The following PCDHGB2 variants were observed in gnomAD, a reference collection of about 807,000 sequenced individuals.
PCDHGB2 encodes the protein protocadherin gamma-B2.
PCDHGB2 carries 55 observed loss-of-function variants against 59.3 expected under a neutral mutation model. The observed-to-expected ratio is 0.93, with a 90% confidence interval of 0.75 to 1.16. The LOEUF (loss-of-function observed/expected upper bound fraction) is 1.16, where lower values mean the gene tolerates loss of function less well. PCDHGB2 is among the 50% of genes most tolerant of loss of function. The pLI, the probability that PCDHGB2 is intolerant of heterozygous loss-of-function variation, is 0.00. For synonymous variants in PCDHGB2, 516 were observed against 512.0 expected, an observed-to-expected ratio of 1.01 and a Z score of -0.11; for missense variants, 1,228 against 1,198.5, an observed-to-expected ratio of 1.02 and a Z score of -0.36.
intron 2 of PCDHGB2, among the ~76,000 whole-genome samples, chr5:141,500,508 C>T (rs2099801020): frequency 6.6e-6 from 1 of 152,078 alleles, no homozygotes; most frequent in African/African-American, 2.4e-5. Context: ...CGCGCCTGGC[C>T]GAGCTTCATT....
chr5:141,390,034 C>A, intron 1 of PCDHGB2: 2 of 1,614,066 alleles, frequency 1.2e-6, no homozygotes, highest in Non-Finnish European at 1.7e-6. Context: ...CGACGCTCCT[C>A]CAGCCCCGCC....
chr5:141,467,602 A>G (rs981250164), intron 1 of PCDHGB2, among the ~76,000 whole-genome samples: 3 of 152,216 alleles, frequency 2.0e-5, no homozygotes, highest in Non-Finnish European at 4.4e-5. Flanking sequence ...TAAGCACTTC[A>G]TCTTTGTCCC....
intron 1 of PCDHGB2, chr5:141,393,241 A>C (rs377394191): frequency 1.8e-4 from 292 of 1,613,684 alleles, no homozygotes; most frequent in Non-Finnish European, 2.3e-4. Context: ...GTAAAAATTA[A>C]CGAAATCGCG....
chr5:141,458,609 A>T (rs1037852455), intron 1 of PCDHGB2, among the ~76,000 whole-genome samples: 1 of 152,004 alleles, frequency 6.6e-6, no homozygotes, highest in Non-Finnish European at 1.5e-5. Flanking sequence ...TCACTCTGTC[A>T]GCCAGGCTGG....
At chr5:141,404,877 T>C in intron 1 of PCDHGB2, 1 of 1,613,856 alleles carries the variant, frequency 6.2e-7, no homozygotes, top group East Asian at 2.2e-5. Flanking sequence ...AAACAGAGCC[T>C]TGTGGTGGCT....
intron 1 of PCDHGB2, among the ~76,000 whole-genome samples, chr5:141,460,963 G>A (rs760674165): frequency 3.0e-4 from 27 of 89,804 alleles, no homozygotes; most frequent in Admixed American, 4.3e-4. Context: ...ATATATATAT[G>A]TGTGTGTGTG....
chr5:141,411,785 G>A (rs2095515346), intron 1 of PCDHGB2: 1 of 152,310 alleles, frequency 6.6e-6, no homozygotes, highest in South Asian at 2.1e-4. Context: ...TGGTGGCTGT[G>A]GTGGGAGAAT....
intron 1 of PCDHGB2, among the ~76,000 whole-genome samples, chr5:141,473,298 A>G (rs1033516450): frequency 1.3e-5 from 2 of 152,244 alleles, no homozygotes; most frequent in Non-Finnish European, 2.9e-5. Context: ...AGTAGCATAA[A>G]GATTGCTATA....
intron 1 of PCDHGB2, among the ~76,000 whole-genome samples, chr5:141,461,151 C>A (rs1424467673): frequency 6.6e-6 from 1 of 152,022 alleles, no homozygotes; most frequent in African/African-American, 2.4e-5. Context: ...TGGGTAGATA[C>A]CCAATAGTGG....
chr5:141,425,714 A>G (rs1259037833), intron 1 of PCDHGB2, among the ~76,000 whole-genome samples: 1 of 152,218 alleles, frequency 6.6e-6, no homozygotes, highest in African/African-American at 2.4e-5. Context: ...AAATTTTCCC[A>G]TACCACTTGA....
At chr5:141,372,757 T>A (rs1435453699) in intron 1 of PCDHGB2, 1 of 1,613,122 alleles carries the variant, frequency 6.2e-7, no homozygotes, top group Non-Finnish European at 8.5e-7. Context: ...GCCTCTTGGT[T>A]TGAAAGTAAT....
At chr5:141,365,228 G>C in intron 1 of PCDHGB2, 1 of 1,613,942 alleles carries the variant, frequency 6.2e-7, no homozygotes, top group Non-Finnish European at 8.5e-7. Flanking sequence ...CAACCTGGGG[G>C]AAATCTCAAC....
chr5:141,414,741 A>C, intron 1 of PCDHGB2: 1 of 1,614,158 alleles, frequency 6.2e-7, no homozygotes. Flanking sequence ...ATGCACTCAG[A>C]TCCTTCGACT....
chr5:141,448,122 C>A (rs1315243727), intron 1 of PCDHGB2, among the ~76,000 whole-genome samples: 1 of 151,820 alleles, frequency 6.6e-6, no homozygotes, highest in Non-Finnish European at 1.5e-5. Context: ...AAATTAGCCT[C>A]CCCCACCCTC....
At chr5:141,417,621 A>G in intron 1 of PCDHGB2, 1 of 662,852 alleles carries the variant, frequency 1.5e-6, no homozygotes, top group Non-Finnish European at 2.4e-6. Context: ...GTGCAGAGCA[A>G]GCGCTGACGC....
chr5:141,401,508 C>G (rs2094162050), intron 1 of PCDHGB2, among the ~76,000 whole-genome samples: 1 of 152,302 alleles, frequency 6.6e-6, no homozygotes, highest in East Asian at 1.9e-4. Flanking sequence ...TTTTCCACCT[C>G]TATATAATTA....
chr5:141,428,886 G>T (rs1002869474), intron 1 of PCDHGB2: 3 of 149,710 alleles, frequency 2.0e-5, no homozygotes, highest in Non-Finnish European at 2.9e-5. Context: ...ACGGAGTCTC[G>T]CTCTGTGGTC....
chr5:141,418,007 C>G (rs1561770675), intron 1 of PCDHGB2: 1 of 1,613,904 alleles, frequency 6.2e-7, no homozygotes, highest in Non-Finnish European at 8.5e-7. Flanking sequence ...GGTGGGGAAC[C>G]TCGCTAAGGA....
At chr5:141,433,607 G>T (rs1209706866) in intron 1 of PCDHGB2, among the ~76,000 whole-genome samples, 1 of 152,080 alleles carries the variant, frequency 6.6e-6, no homozygotes. Flanking sequence ...AGGCCGAGGC[G>T]GGTGGATCAC....
Sources: allele counts gnomAD v4.1 joint callset (sites outside exome capture counted in the v4.1 genomes callset), GRCh38; gene constraint gnomAD v4.1.1; transcripts MANE v1.5; gene names NCBI Gene and HGNC (gene_info 2026-07-23, HGNC 2026-07-21).